The following NCKAP5 variants were observed in gnomAD, a reference collection of about 807,000 sequenced individuals.
The protein encoded by NCKAP5 is NCK associated protein 5, also known as nck-associated protein 5.
In NCKAP5, 92 loss-of-function variants were observed where a neutral mutation model predicts 167.0. The observed-to-expected ratio is 0.55, with a 90% CI of 0.47 to 0.66. The LOEUF (loss-of-function observed/expected upper bound fraction) is 0.66, where lower values mean the gene tolerates loss of function less well. NCKAP5 is among the 30% of genes least tolerant of loss of function. The pLI is 0.00. For synonymous variants in NCKAP5, 891 were observed against 877.4 expected (o/e 1.02, Z -0.27); for missense variants, 2,378 against 2,315.0 (o/e 1.03, Z -0.56).
In NCKAP5 at chr2:132,817,398, A is replaced by T. The variant is rs141409520; in HGVS notation, c.808-20669T>A. 1.4e-3 allele frequency among the ~76,000 whole-genome samples: 214 copies of T among 152,316 alleles called. 1 individual carries two copies. The highest frequency in any genetic ancestry group is 4.9e-3 in the African/African-American group (203 of 41,554). On this transcript the variant is annotated intron_variant, in intron 11 of 19. Coordinates refer to ENST00000409261, the MANE Select transcript of NCKAP5 (RefSeq NM_207363.3). ...TGCTATCAAATGCTGGTTTATCACTACGTAATGGGACAAGCTAAATTAGTT... is the reference window on the plus strand; with the variant it reads ...TGCTATCAAATGCTGGTTTATCACTTCGTAATGGGACAAGCTAAATTAGTT...
chr2:132,769,663 A>T (rs1044253358), intron 16 of NCKAP5, among the ~76,000 whole-genome samples: 133 of 152,344 alleles, frequency 8.7e-4, no homozygotes, highest in African/African-American at 3.1e-3. Flanking sequence ...AGACATGCTC[A>T]GTCCTCTTTT....
chr2:132,840,241 A>C (rs989112124), intron 11 of NCKAP5, among the ~76,000 whole-genome samples: 1 of 151,826 alleles, frequency 6.6e-6, no homozygotes, highest in African/African-American at 2.4e-5. Flanking sequence ...TGGAGAGATG[A>C]AATGCTCACA....
chr2:133,202,270 AAAG>A (rs1427144864), intron 5 of NCKAP5, among the ~76,000 whole-genome samples: 2 of 152,238 alleles, frequency 1.3e-5, no homozygotes, highest in African/African-American at 4.8e-5. Flanking sequence ...AACCTGACAA[AAAG>A]AAGAAATGGG....
chr2:133,525,189 C>T (rs986511139), intron 2 of NCKAP5, among the ~76,000 whole-genome samples: 2 of 152,152 alleles, frequency 1.3e-5, no homozygotes, highest in Non-Finnish European at 2.9e-5. Context: ...TTCATCCTTG[C>T]CAGATAAATT....
intron 8 of NCKAP5, among the ~76,000 whole-genome samples, chr2:132,928,357 T>C (rs1293051855): frequency 6.6e-6 from 1 of 152,186 alleles, no homozygotes. Flanking sequence ...ACCAAATGTT[T>C]CTTTGCACCT....
chr2:133,022,470 C>T (rs771813119), intron 6 of NCKAP5, among the ~76,000 whole-genome samples: 4 of 152,148 alleles, frequency 2.6e-5, no homozygotes, highest in Non-Finnish European at 4.4e-5. Flanking sequence ...TGTCTCTGGG[C>T]TCCCCTTTAT....
chr2:132,711,520 C>T (rs1437017771), intron 19 of NCKAP5, among the ~76,000 whole-genome samples: 2 of 152,168 alleles, frequency 1.3e-5, no homozygotes, highest in East Asian at 3.9e-4. Flanking sequence ...TTCTTTGACT[C>T]CAAAACCTTT....
At chr2:133,399,398 C>A (rs866419024) in intron 3 of NCKAP5, among the ~76,000 whole-genome samples, 183 of 147,110 alleles carry the variant, frequency 1.2e-3, no homozygotes, top group Admixed American at 1.5e-3. Flanking sequence ...AAAAAAAAAA[C>A]AAAACATAAA....
At chr2:132,812,482 A>G (rs1244549464) in intron 11 of NCKAP5, among the ~76,000 whole-genome samples, 1 of 152,114 alleles carries the variant, frequency 6.6e-6, no homozygotes, top group Non-Finnish European at 1.5e-5. Flanking sequence ...CTCTGCCACT[A>G]TATTGTCTTA....
chr2:132,762,804 G>A (rs1467150557), intron 16 of NCKAP5, among the ~76,000 whole-genome samples: 5 of 152,138 alleles, frequency 3.3e-5, no homozygotes, highest in African/African-American at 7.2e-5. Context: ...AGAAACACAC[G>A]GCTGCTATCA....
intron 6 of NCKAP5, among the ~76,000 whole-genome samples, chr2:133,064,361 T>C (rs1309514537): frequency 6.6e-6 from 1 of 152,230 alleles, no homozygotes; most frequent in Non-Finnish European, 1.5e-5. Context: ...TTATGGTTTG[T>C]GTAGGAGAAG....
At chr2:132,821,089 T>C (rs1574328125) in intron 11 of NCKAP5, among the ~76,000 whole-genome samples, 1 of 152,196 alleles carries the variant, frequency 6.6e-6, no homozygotes, top group South Asian at 2.1e-4. Flanking sequence ...ACTCACACCA[T>C]GATCTTTTGC....
At chr2:133,031,166 T>C (rs1437901) in intron 6 of NCKAP5, among the ~76,000 whole-genome samples, 44,042 of 151,866 alleles carry the variant, frequency 0.29, 7,286 homozygotes, top group Non-Finnish European at 0.35. Context: ...CAGTACCTGA[T>C]TGTAACTTCA....
At chr2:133,359,406 T>C (rs1206117072) in intron 3 of NCKAP5, among the ~76,000 whole-genome samples, 4 of 152,248 alleles carry the variant, frequency 2.6e-5, no homozygotes, top group African/African-American at 7.2e-5. Flanking sequence ...ATCTTATGCA[T>C]AATTATGTGA....
the NCKAP5 span, among the ~76,000 whole-genome samples, chr2:133,660,318 T>C: frequency 6.6e-6 from 1 of 152,222 alleles, no homozygotes. Context: ...GTAGACTGAA[T>C]TTATCACAAA....
chr2:132,774,678 C>T (rs1387495316), intron 15 of NCKAP5, among the ~76,000 whole-genome samples: 1 of 152,114 alleles, frequency 6.6e-6, no homozygotes, highest in African/African-American at 2.4e-5. Flanking sequence ...AAAGCCCAGG[C>T]CCCCTACTTC....
At chr2:132,973,097 GTGTACAAAGGCT>G (rs1252284955) in intron 7 of NCKAP5, among the ~76,000 whole-genome samples, 1 of 152,102 alleles carries the variant, frequency 6.6e-6, no homozygotes, top group Non-Finnish European at 1.5e-5. Flanking sequence ...GCCTAGTTTT[GTGTACAAAGGCT>G]TAACCTCAAC....
intron 8 of NCKAP5, among the ~76,000 whole-genome samples, chr2:132,900,977 G>GA (rs58885401): frequency 0.16 from 15,802 of 99,058 alleles, 1,757 homozygotes; most frequent in East Asian, 0.39. Context: ...AAAAAAAAAA[G>GA]AAAAAAAAAA....
chr2:133,421,184 G>GA lies in NCKAP5; in HGVS notation c.69+96273dup, dbSNP rs574339008. 2.2e-4 allele frequency among the ~76,000 whole-genome samples: 33 copies of GA among 152,034 alleles called. No individual in the cohort carries two copies. The East Asian group carries it at 6.2e-3, about 29-fold the overall frequency. ...TTCTCATTTACCCAATATCCTCCTT[G>GA]AACTCACCTCTGCTTGCTCCCTCAT... On this transcript the variant is annotated intron_variant, in intron 3 of 19. Coordinates refer to ENST00000409261, the MANE Select transcript of NCKAP5 (RefSeq NM_207363.3).
Sources: gnomAD v4.1 joint callset for allele counts (sites outside exome capture counted in the v4.1 genomes callset) on GRCh38, gnomAD v4.1.1 for gene constraint, MANE v1.5 for transcripts, NCBI Gene and HGNC (gene_info 2026-07-23, HGNC 2026-07-21) for gene names.